The following DOCK3 variants were observed in gnomAD, a reference collection of about 807,000 sequenced individuals.
The protein encoded by DOCK3 is dedicator of cytokinesis 3, also known as dedicator of cytokinesis protein 3.
Under a neutral mutation model 265.6 loss-of-function variants are expected in DOCK3, and 60 were observed. The ratio of observed to expected loss-of-function variants is 0.23; its 90% CI spans 0.18 to 0.28. The LOEUF (loss-of-function observed/expected upper bound fraction) is 0.28. DOCK3 is among the 10% of genes least tolerant of loss of function. DOCK3 has a pLI of 1.00. For synonymous variants in DOCK3, 881 were observed against 938.0 expected (o/e 0.94, Z 1.11); for missense variants, 1,981 against 2,594.3 (o/e 0.76, Z 5.14).
intron 5 of DOCK3, among the ~76,000 whole-genome samples, chr3:50,962,519 A>G (rs2076916551): frequency 1.3e-5 from 2 of 152,214 alleles, no homozygotes; most frequent in Admixed American, 1.3e-4. Context: ...TCCTAGGTAG[A>G]TGTAGAGAGC....
chr3:51,273,037 C>T (rs748355945), intron 24 of DOCK3, among the ~76,000 whole-genome samples: 7 of 151,946 alleles, frequency 4.6e-5, no homozygotes, highest in South Asian at 2.1e-4. Flanking sequence ...TGGTGGGCGC[C>T]TGTAGTCCCA....
intron 5 of DOCK3, among the ~76,000 whole-genome samples, chr3:50,938,778 G>A (rs2051536295): frequency 6.6e-6 from 1 of 151,748 alleles, no homozygotes; most frequent in Non-Finnish European, 1.5e-5. Flanking sequence ...TATGCTTTAA[G>A]TCCTAATAAT....
chr3:51,075,512 G>A lies in DOCK3; in HGVS notation c.549+72G>A. The A allele has an allele frequency of 6.2e-6, 8 of 1,299,694 alleles. No homozygotes were observed. In the South Asian group the frequency reaches 1.1e-4, roughly 18 times the overall value. The allele number at this position is 1,299,694 out of a possible 1,614,324, so 80.5% of individuals were successfully genotyped here. Reference sequence around the variant, plus strand: ...TTCTCTTTTGTTTATTTTCTCTAATGTTATGAAACAACATTGCTAAAAATT... The same window carrying A: ...TTCTCTTTTGTTTATTTTCTCTAATATTATGAAACAACATTGCTAAAAATT... On this transcript the variant is annotated intron_variant, in intron 7 of 52. Coordinates refer to ENST00000266037, the MANE Select transcript of DOCK3 (RefSeq NM_004947.5).
At chr3:50,914,540 G>A (rs2050020992) in intron 4 of DOCK3, among the ~76,000 whole-genome samples, 1 of 152,066 alleles carries the variant, frequency 6.6e-6, no homozygotes, top group South Asian at 2.1e-4. Flanking sequence ...TAGTTTTATT[G>A]TGGTCAGAAA....
chr3:50,680,877 A>G (rs2034362783), intron 1 of DOCK3, among the ~76,000 whole-genome samples: 1 of 152,004 alleles, frequency 6.6e-6, no homozygotes, highest in Admixed American at 6.6e-5. Context: ...TTAGTCCCTT[A>G]TCAGATAAAT....
intron 5 of DOCK3, among the ~76,000 whole-genome samples, chr3:50,970,720 AT>A (rs1328349187): frequency 7.4e-6 from 1 of 134,342 alleles, no homozygotes; most frequent in Non-Finnish European, 1.6e-5. Context: ...CTTAGATCTC[AT>A]TGAGCCTTTT....
At position 51,381,344 on chromosome 3, in the gene DOCK3, G is replaced by C. The variant is rs1553618557; in HGVS notation, c.5878G>C (p.Gly1960Arg). 6.2e-7 allele frequency: 1 copy of C among 1,613,374 alleles called. No individual in the cohort carries two copies. Among genetic ancestry groups the C allele is most frequent in the South Asian group, 1.1e-5 (1 of 91,090 alleles). Residue 1960 changes from glycine (G) to arginine (R), a missense_variant, in exon 53 of 53, where the codon GGG becomes CGG. By Grantham distance (125) the Gly-to-Arg change is moderately radical. Coordinates refer to ENST00000266037, the MANE Select transcript of DOCK3 (RefSeq NM_004947.5). The surrounding 1 kb of genome is among the most constrained non-coding windows in gnomAD (Gnocchi z 5.6). Reference protein sequence around the residue: ...AQPCRSHSAPGCVIPQDPMDP... With the variant: ...AQPCRSHSAPRCVIPQDPMDP... ...GCCATGCCGAAGCCACTCAGCCCCA[G>C]GGTGCGTCATCCCTCAGGACCCCAT... is the stretch of plus-strand genomic sequence containing the variant.
At chr3:50,850,476 C>G (rs908298090) in intron 3 of DOCK3, among the ~76,000 whole-genome samples, 3 of 151,954 alleles carry the variant, frequency 2.0e-5, no homozygotes, top group African/African-American at 7.3e-5. Context: ...AATTCTTTAT[C>G]TGTCATTTCT....
chr3:50,828,414 T>C (rs991118660), intron 2 of DOCK3, among the ~76,000 whole-genome samples: 1 of 152,154 alleles, frequency 6.6e-6, no homozygotes, highest in Non-Finnish European at 1.5e-5. Flanking sequence ...TTTTCTTTTT[T>C]CTTTTTTTGA....
rs554628988 is a variant in DOCK3, at chr3:51,071,423, A to G, written c.465-3933A>G. ...CTGTGCTACATCTGTATGTAGATAT[A>G]CATAGATGTTTGCCCCCTGCTTGTG... On this transcript the variant is annotated intron_variant, in intron 6 of 52. Coordinates refer to ENST00000266037, the MANE Select transcript of DOCK3 (RefSeq NM_004947.5). Among the ~76,000 whole-genome samples the G allele has an allele frequency of 2.6e-5, 4 of 152,332 alleles. No homozygotes were observed. The South Asian group carries it at 8.3e-4, about 32-fold the overall frequency.
intron 31 of DOCK3, 60 bp from the exon 32 acceptor site, chr3:51,314,920 T>C (rs2083285288): frequency 1.3e-6 from 2 of 1,513,022 alleles, no homozygotes; most frequent in African/African-American, 2.8e-5. Context: ...TGGCCCCATT[T>C]GGGAATCTTC....
chr3:51,373,714 C>G (rs914970419), intron 49 of DOCK3, among the ~76,000 whole-genome samples: 4 of 150,838 alleles, frequency 2.7e-5, no homozygotes, highest in African/African-American at 1.0e-4. Context: ...GAACATGAAT[C>G]AAGTCAACTA....
intron 4 of DOCK3, chr3:50,901,746 C>T: frequency 2.2e-6 from 1 of 451,560 alleles, no homozygotes; most frequent in South Asian, 1.6e-5. Context: ...CCCTCTTGCT[C>T]TTGCTGGGTG....
At chr3:51,236,973 T>A (rs982185852) in intron 20 of DOCK3, among the ~76,000 whole-genome samples, 5 of 152,176 alleles carry the variant, frequency 3.3e-5, no homozygotes, top group African/African-American at 9.6e-5. Flanking sequence ...AAGAGTCAGA[T>A]ACTCTCATAG....
chr3:50,705,161 T>C lies in DOCK3; in HGVS notation c.37+29861T>C, dbSNP rs1473732379. ...CTTTTTTGTGTACTACTGTTCTCAC[T>C]GTTCTACCAGTGAGTTTCATACTTT... is the stretch of plus-strand genomic sequence containing the variant. On this transcript the variant is annotated intron_variant, in intron 1 of 52. Coordinates refer to ENST00000266037, the MANE Select transcript of DOCK3 (RefSeq NM_004947.5). 3.9e-5 allele frequency among the ~76,000 whole-genome samples: 6 copies of C among 152,076 alleles called. No individual in the cohort carries two copies. The South Asian group carries it at 1.0e-3, about 26-fold the overall frequency.
Position 51,362,569 on chromosome 3 carries a change from G to A in DOCK3, c.5188G>A (p.Val1730Ile), listed in dbSNP as rs201366823. Residue 1730 changes from valine to isoleucine, a missense_variant, in exon 49 of 53, where the codon GTC becomes ATC. Val to Ile is a conservative substitution (Grantham distance 29, BLOSUM62 3). Around this residue, in one of 4 missense-constraint regions of DOCK3, gnomAD observed 1,357 missense variants for 1,866.8 expected, o/e 0.73. Coordinates refer to ENST00000266037, the MANE Select transcript of DOCK3 (RefSeq NM_004947.5). ...NPRYQGSVTNVSVLSSSQASP... is the reference protein window; with the variant it reads ...NPRYQGSVTNISVLSSSQASP... ...CAGGTACCAAGGCTCAGTCACCAAC[G>A]TCTCTGTTCTGTCCTCGTCCCAGGC... 1.5e-5 allele frequency: 24 copies of A among 1,613,946 alleles called. No individual in the cohort carries two copies. The highest frequency in any genetic ancestry group is 1.7e-5 in the Non-Finnish European group (20 of 1,179,884).
At chr3:50,775,627 G>C (rs566594752) in intron 1 of DOCK3, among the ~76,000 whole-genome samples, 1 of 152,076 alleles carries the variant, frequency 6.6e-6, no homozygotes, top group South Asian at 2.1e-4. Flanking sequence ...TGAGAGTAGA[G>C]GTAGGTTTTG....
intron 1 of DOCK3, among the ~76,000 whole-genome samples, chr3:50,754,348 C>T (rs2040025398): frequency 6.6e-6 from 1 of 152,032 alleles, no homozygotes; most frequent in South Asian, 2.1e-4. Context: ...ACTATGCTAA[C>T]AACCAGGTGC....
At chr3:50,866,133 T>C (rs895759442) in intron 3 of DOCK3, among the ~76,000 whole-genome samples, 4 of 152,198 alleles carry the variant, frequency 2.6e-5, no homozygotes, top group African/African-American at 9.6e-5. Context: ...TTTAACTTGA[T>C]GTGATCCCGT....
Sources: gnomAD v4.1 joint callset for allele counts (sites outside exome capture counted in the v4.1 genomes callset) on GRCh38, gnomAD v4.1.1 for gene constraint, gnomAD v4.1.1 regional missense constraint, Gnocchi (gnomAD v3.1) non-coding constraint, MANE v1.5 for transcripts, NCBI Gene and HGNC (gene_info 2026-07-23, HGNC 2026-07-21) for gene names.